The following SERP2 variants were observed in gnomAD, a reference collection of about 807,000 sequenced individuals.
SERP2 encodes the protein stress-associated endoplasmic reticulum protein 2.
In SERP2, 6 loss-of-function variants were observed where a neutral mutation model predicts 9.1. The ratio of observed to expected loss-of-function variants is 0.66; its 90% CI spans 0.36 to 1.30. The LOEUF (loss-of-function observed/expected upper bound fraction) is 1.30, where lower values mean the gene tolerates loss of function less well. Among genes scored for constraint, SERP2 ranks in the 50% most tolerant of loss-of-function variants. The pLI is 0.03. For synonymous variants in SERP2, 37 were observed against 27.3 expected (o/e 1.35, Z -1.10); for missense variants, 58 against 81.9 (o/e 0.71, Z 1.13).
chr13:44,393,957 G>T (rs1264594539), intron 2 of SERP2, among the ~76,000 whole-genome samples: 5 of 152,110 alleles, frequency 3.3e-5, no homozygotes, highest in Admixed American at 3.3e-4. Context: ...TCTCCAAGAA[G>T]GTTCATCTGT....
chr13:44,373,819 A>G, upstream of SERP2: 1 of 514,190 alleles, frequency 1.9e-6, no homozygotes, highest in Non-Finnish European at 3.4e-6. The surrounding 1 kb of genome is among the most constrained non-coding windows in gnomAD (Gnocchi z 4.8). Context: ...CTGAGATGAG[A>G]GATTACTTCC....
Position 44,374,013 on chromosome 13 carries a change from G to A in SERP2, c.-13G>A. The A allele has an allele frequency of 6.3e-7, 1 of 1,592,946 alleles. No homozygotes were observed. Among genetic ancestry groups the A allele is most frequent in the Non-Finnish European group, 8.5e-7 (1 of 1,169,848 alleles). Reference sequence around the variant, plus strand: ...AATCCTTGCAGGTGGGAGCATTTCAGAGCGCACAAGCCATGGTGGCCAAAC... The same window carrying A: ...AATCCTTGCAGGTGGGAGCATTTCAAAGCGCACAAGCCATGGTGGCCAAAC... On this transcript the variant is annotated 5_prime_UTR_variant, in exon 1 of 3. Coordinates refer to ENST00000379179, the MANE Select transcript of SERP2 (RefSeq NM_001010897.3).
intron 2 of SERP2, among the ~76,000 whole-genome samples, chr13:44,380,109 T>C (rs556195763): frequency 1.3e-5 from 2 of 152,320 alleles, no homozygotes; most frequent in South Asian, 4.2e-4. Context: ...GCAGAGCTCC[T>C]AGATACAACT....
intron 2 of SERP2, among the ~76,000 whole-genome samples, chr13:44,386,044 C>T (rs1036560466): frequency 7.2e-5 from 11 of 152,228 alleles, no homozygotes; most frequent in African/African-American, 2.7e-4. Context: ...TGCCTCTTCA[C>T]TCCACGGATG....
intron 2 of SERP2, chr13:44,390,738 G>A (rs945915376): frequency 3.7e-5 from 6 of 160,208 alleles, no homozygotes; most frequent in African/African-American, 4.8e-5. Flanking sequence ...GCCTGTCTCC[G>A]GCATCTCTCT....
At chr13:44,380,060 C>T (rs958152954) in intron 2 of SERP2, among the ~76,000 whole-genome samples, 3 of 152,088 alleles carry the variant, frequency 2.0e-5, no homozygotes, top group Admixed American at 1.3e-4. Flanking sequence ...ATCCACATTC[C>T]GAGAAAGGGA....
Position 44,373,927 on chromosome 13 carries a change from G to C in SERP2, c.-99G>C. ...ACGCCTTGCCACCTGCAGCGCCCGG[G>C]TGGGCCGCGGGGGCCTCGGCGGGAC... On this transcript the variant is annotated 5_prime_UTR_variant, in exon 1 of 3. Coordinates refer to ENST00000379179, the MANE Select transcript of SERP2 (RefSeq NM_001010897.3). The surrounding 1 kb of genome is among the most constrained non-coding windows in gnomAD (Gnocchi z 4.8). The C allele has an allele frequency of 7.8e-6, 9 of 1,158,234 alleles. No individual in the cohort carries two copies. Among genetic ancestry groups the C allele is most frequent in the Non-Finnish European group, 1.1e-5 (9 of 810,616 alleles). 71.7% of individuals were successfully genotyped at this position (1,158,234 alleles called of 1,614,324 possible).
At chr13:44,377,940 T>G (rs900467888) in intron 1 of SERP2, among the ~76,000 whole-genome samples, 2 of 152,210 alleles carry the variant, frequency 1.3e-5, no homozygotes, top group South Asian at 2.1e-4. Flanking sequence ...GTCTGTAGTC[T>G]CATAGAGAGA....
At chr13:44,385,429 G>GC (rs1566092412) in intron 2 of SERP2, among the ~76,000 whole-genome samples, 1 of 152,160 alleles carries the variant, frequency 6.6e-6, no homozygotes, top group East Asian at 1.9e-4. Context: ...GCTGCCCCAC[G>GC]CCCCCCAGAT....
In SERP2 at chr13:44,374,113, A is replaced by G. The variant is rs1436992420; in HGVS notation, c.84+4A>G. 12 of 1,310,644 alleles carry G rather than the reference A, an allele frequency of 9.2e-6. No homozygotes were observed. The highest frequency in any genetic ancestry group is 1.8e-5 in the African/African-American group (1 of 55,964). 81.2% of individuals were successfully genotyped at this position (1,310,644 alleles called of 1,614,324 possible). A position where few individuals can be genotyped will look rare whatever the true frequency, so the allele number is the denominator to read the frequency against. ...GGGGAACGTAGCCAAAACCCTGGTA[A>G]GGCGGGGTCGGCGCCGGCCAGGCAG... On this transcript the variant is annotated splice_donor_region_variant and intron_variant, in intron 1 of 2. Transcript: ENST00000379179.
intron 2 of SERP2, among the ~76,000 whole-genome samples, chr13:44,385,167 T>C (rs774255363): frequency 6.6e-6 from 1 of 152,248 alleles, no homozygotes; most frequent in Non-Finnish European, 1.5e-5. Flanking sequence ...CCCTTTCTTA[T>C]AGACAGTTGT....
In SERP2 at chr13:44,379,707, G is replaced by A; in HGVS notation, c.151G>A (p.Gly51Ser). 1 of 1,611,166 alleles carries A rather than the reference G, an allele frequency of 6.2e-7. No homozygotes were observed. Among genetic ancestry groups the A allele is most frequent in the Non-Finnish European group, 8.5e-7 (1 of 1,178,040 alleles). The part of the protein sequence containing the change: ...LLALFVFVVC[G>S]SAIFQIIQSI... Reference sequence around the variant, plus strand: ...GGCACTGTTTGTTTTTGTTGTCTGTGGCTCAGGTATGGGTGTTTCACTGAA... The same window carrying A: ...GGCACTGTTTGTTTTTGTTGTCTGTAGCTCAGGTATGGGTGTTTCACTGAA... The change falls in exon 2 of 3, where the codon GGC (glycine) becomes AGC (serine). Residue 51 changes from glycine (G) to serine (S), a missense_variant. Physicochemically the swap from Gly to Ser is moderately conservative, Grantham distance 56. Coordinates refer to ENST00000379179, the MANE Select transcript of SERP2 (RefSeq NM_001010897.3).
chr13:44,388,245 T>A (rs1872431576), intron 2 of SERP2, among the ~76,000 whole-genome samples: 1 of 144,972 alleles, frequency 6.9e-6, no homozygotes, highest in Non-Finnish European at 1.5e-5. Flanking sequence ...TCTGTTTGCA[T>A]TTGTGTGTGT....
intron 2 of SERP2, among the ~76,000 whole-genome samples, chr13:44,384,046 T>G (rs1261191479): frequency 6.7e-6 from 1 of 148,854 alleles, no homozygotes; most frequent in Non-Finnish European, 1.5e-5. Context: ...CACCACCACC[T>G]TTTTTTTTTC....
chr13:44,395,299 C>A (rs1034740044), intron 2 of SERP2, among the ~76,000 whole-genome samples: 2 of 152,140 alleles, frequency 1.3e-5, no homozygotes, highest in South Asian at 4.1e-4. Context: ...TCTCTTCCAA[C>A]TGCTCCTGTT....
chr13:44,394,916 A>C (rs1316440083), intron 2 of SERP2, among the ~76,000 whole-genome samples: 4 of 152,246 alleles, frequency 2.6e-5, no homozygotes, highest in Admixed American at 2.0e-4. Flanking sequence ...AATCCCTGTG[A>C]CAGCCCTGCA....
At chr13:44,383,302 G>A (rs189155670) in intron 2 of SERP2, among the ~76,000 whole-genome samples, 37 of 152,220 alleles carry the variant, frequency 2.4e-4, no homozygotes, top group Non-Finnish European at 4.3e-4. Flanking sequence ...GTCATTTGGC[G>A]TGGCTTATTT....
At chr13:44,387,146 T>C (rs765678557) in intron 2 of SERP2, among the ~76,000 whole-genome samples, 4 of 152,188 alleles carry the variant, frequency 2.6e-5, no homozygotes, top group African/African-American at 4.8e-5. Flanking sequence ...CCCACAAAGA[T>C]ACTGTCACAC....
At chr13:44,393,767 G>C (rs1872922473) in intron 2 of SERP2, among the ~76,000 whole-genome samples, 1 of 152,124 alleles carries the variant, frequency 6.6e-6, no homozygotes, top group Non-Finnish European at 1.5e-5. Flanking sequence ...GGAAGGCTGA[G>C]GTTACTCTGC....
Sources: allele counts gnomAD v4.1 joint callset (sites outside exome capture counted in the v4.1 genomes callset), GRCh38; gene constraint gnomAD v4.1.1; non-coding constraint Gnocchi (gnomAD v3.1); transcripts MANE v1.5; gene names NCBI Gene and HGNC (gene_info 2026-07-23, HGNC 2026-07-21).